Variants in TMTC2 observed in about 807,000 individuals in gnomAD.
TMTC2 encodes the protein protein O-mannosyl-transferase TMTC2.
Under a neutral mutation model 82.4 loss-of-function variants are expected in TMTC2, and 43 were observed. The observed-to-expected ratio is 0.52, with a 90% CI of 0.41 to 0.67. TMTC2 has a LOEUF of 0.67. TMTC2 is among the 30% of genes least tolerant of loss of function. The probability of loss-of-function intolerance (pLI) is 0.00; values close to 1 mark genes in which losing one functional copy is unlikely to be tolerated. For synonymous variants in TMTC2, 408 were observed against 381.9 expected (o/e 1.07, Z -0.80); for missense variants, 919 against 1,012.4 (o/e 0.91, Z 1.25).
intron 1 of TMTC2, among the ~76,000 whole-genome samples, chr12:82,745,957 C>T (rs190566646): frequency 2.8e-4 from 43 of 152,228 alleles, no homozygotes; most frequent in African/African-American, 9.9e-4. Flanking sequence ...CTGCTTTTTA[C>T]GTGGGCAGTT....
intron 9 of TMTC2, among the ~76,000 whole-genome samples, chr12:83,043,468 A>G (rs1332206714): frequency 6.6e-6 from 1 of 152,214 alleles, no homozygotes; most frequent in African/African-American, 2.4e-5. Flanking sequence ...ATTTCTAATC[A>G]TCAGAATCTT....
chr12:82,943,993 A>C (rs999706319), intron 4 of TMTC2, among the ~76,000 whole-genome samples: 6 of 152,202 alleles, frequency 3.9e-5, no homozygotes, highest in African/African-American at 1.4e-4. Flanking sequence ...AGAGAAATGA[A>C]AAAGAAAAGA....
intron 4 of TMTC2, among the ~76,000 whole-genome samples, chr12:82,948,251 G>C (rs984386013): frequency 2.0e-5 from 3 of 152,076 alleles, no homozygotes; most frequent in African/African-American, 7.2e-5. Flanking sequence ...GATAGTCCCA[G>C]CTACTTAGGA....
chr12:82,848,614 C>T (rs1029143724), intron 1 of TMTC2, among the ~76,000 whole-genome samples: 1 of 152,120 alleles, frequency 6.6e-6, no homozygotes, highest in Non-Finnish European at 1.5e-5. Flanking sequence ...GTGATTTTCT[C>T]TGGACAGACA....
intron 1 of TMTC2, among the ~76,000 whole-genome samples, chr12:82,792,355 A>C (rs1239068317): frequency 6.6e-6 from 1 of 151,924 alleles, no homozygotes; most frequent in East Asian, 1.9e-4. Context: ...CATGATGTTG[A>C]GCAACCATCA....
chr12:83,103,029 G>A (rs1395299392), intron 11 of TMTC2, among the ~76,000 whole-genome samples: 2 of 152,170 alleles, frequency 1.3e-5, no homozygotes, highest in African/African-American at 4.8e-5. Context: ...TTTCAAGAAA[G>A]AGATAAGAAG....
intron 1 of TMTC2, among the ~76,000 whole-genome samples, chr12:82,827,460 C>T (rs1869479558): frequency 6.6e-6 from 1 of 152,114 alleles, no homozygotes; most frequent in East Asian, 1.9e-4. Context: ...TTGTTCTTTG[C>T]ATCAAATTAT....
intron 3 of TMTC2, among the ~76,000 whole-genome samples, chr12:82,917,508 G>A (rs980786706): frequency 9.9e-5 from 15 of 151,926 alleles, no homozygotes; most frequent in African/African-American, 3.1e-4. Flanking sequence ...AGTACAAACT[G>A]GATGATAATG....
intron 3 of TMTC2, among the ~76,000 whole-genome samples, chr12:82,917,959 G>T (rs912997436): frequency 2.6e-5 from 4 of 151,808 alleles, no homozygotes; most frequent in Admixed American, 6.6e-5. Context: ...GTGCAGTGGT[G>T]CCATCACAAA....
chr12:82,749,738 TC>T (rs1459225691), intron 1 of TMTC2, among the ~76,000 whole-genome samples: 100 of 38,644 alleles, frequency 2.6e-3, no homozygotes, highest in African/African-American at 4.1e-3. Context: ...TTTCTTTCTT[TC>T]TTTTTTTTTT....
chr12:83,035,344 C>A (rs1268860260), intron 9 of TMTC2, among the ~76,000 whole-genome samples: 1 of 152,094 alleles, frequency 6.6e-6, no homozygotes, highest in Non-Finnish European at 1.5e-5. Flanking sequence ...AGAAAGAAAG[C>A]AAGCTAGGCA....
intron 11 of TMTC2, among the ~76,000 whole-genome samples, chr12:83,099,981 G>T (rs374714684): frequency 2.0e-5 from 3 of 151,400 alleles, no homozygotes; most frequent in Non-Finnish European, 2.9e-5. Flanking sequence ...GTACAGTCGC[G>T]CAATCTCGGC....
At chr12:82,792,944 A>T (rs539680376) in intron 1 of TMTC2, among the ~76,000 whole-genome samples, 1 of 152,242 alleles carries the variant, frequency 6.6e-6, no homozygotes, top group African/African-American at 2.4e-5. Flanking sequence ...AGACCACAAA[A>T]TGTGATTAAT....
chr12:82,956,640 G>C (rs1877630313), intron 4 of TMTC2, among the ~76,000 whole-genome samples: 1 of 152,024 alleles, frequency 6.6e-6, no homozygotes, highest in Non-Finnish European at 1.5e-5. Flanking sequence ...TTTTAGTAGA[G>C]ATGGAGTTTA....
intron 1 of TMTC2, among the ~76,000 whole-genome samples, chr12:82,771,014 C>G (rs1877275352): frequency 6.6e-6 from 1 of 152,074 alleles, no homozygotes; most frequent in Non-Finnish European, 1.5e-5. Flanking sequence ...TGAGACCAGT[C>G]TCACCAACAT....
intron 2 of TMTC2, among the ~76,000 whole-genome samples, chr12:82,874,023 G>T (rs952283148): frequency 6.6e-6 from 1 of 152,146 alleles, no homozygotes; most frequent in African/African-American, 2.4e-5. Flanking sequence ...AATTTAATAT[G>T]CTATTAAGAC....
intron 1 of TMTC2, among the ~76,000 whole-genome samples, chr12:82,746,941 G>A (rs1875723359): frequency 6.6e-6 from 1 of 152,184 alleles, no homozygotes; most frequent in Non-Finnish European, 1.5e-5. Flanking sequence ...CAAGGAAATG[G>A]AATTTGTCCA....
intron 1 of TMTC2, among the ~76,000 whole-genome samples, chr12:82,719,059 T>TTTTATATA (rs1874040088): frequency 1.1e-5 from 1 of 94,468 alleles, no homozygotes; most frequent in African/African-American, 4.6e-5. Context: ...TTAGATGATT[T>TTTTATATA]TATATATATA....
intron 8 of TMTC2, among the ~76,000 whole-genome samples, chr12:83,021,290 C>T (rs564289051): frequency 1.3e-5 from 2 of 152,096 alleles, no homozygotes; most frequent in Non-Finnish European, 2.9e-5. Context: ...ATTTCTTCCA[C>T]ACTCTTTTAT....
Sources: allele counts gnomAD v4.1 joint callset (sites outside exome capture counted in the v4.1 genomes callset), GRCh38; gene constraint gnomAD v4.1.1; transcripts MANE v1.5; gene names NCBI Gene and HGNC (gene_info 2026-07-23, HGNC 2026-07-21).